SSH2: variants seen among roughly 807,000 people sequenced by gnomAD.
SSH2 encodes the protein protein phosphatase Slingshot homolog 2.
A neutral mutation model predicts 135.2 loss-of-function variants in SSH2; 37 were observed. That is an observed-to-expected ratio of 0.27 (90% CI 0.21 to 0.36). The LOEUF (loss-of-function observed/expected upper bound fraction) is 0.36. Ranked by LOEUF, SSH2 falls within the 10% of genes least tolerant of loss-of-function variation. The probability of loss-of-function intolerance (pLI) is 1.00; values close to 1 mark genes in which losing one functional copy is unlikely to be tolerated. For synonymous variants in SSH2, 628 were observed against 646.2 expected (o/e 0.97, Z 0.43); for missense variants, 1,408 against 1,765.3 (o/e 0.80, Z 3.63).
At chr17:29,785,862 T>C (rs1200863459) in intron 3 of SSH2, among the ~76,000 whole-genome samples, 3 of 144,284 alleles carry the variant, frequency 2.1e-5, no homozygotes, top group Non-Finnish European at 4.5e-5. Context: ...TGGAGTGCAG[T>C]GGCGCGATCT....
chr17:29,777,804 A>AC (rs1043844644), intron 3 of SSH2: 3 of 152,570 alleles, frequency 2.0e-5, no homozygotes, highest in African/African-American at 4.9e-5. Context: ...AAAAAAAAAA[A>AC]AAAAAAAAAA....
At chr17:29,808,375 C>T (rs1181937134) in intron 2 of SSH2, among the ~76,000 whole-genome samples, 1 of 152,216 alleles carries the variant, frequency 6.6e-6, no homozygotes, top group Non-Finnish European at 1.5e-5. Flanking sequence ...GTGATCCGCC[C>T]GCCTCGGCCT....
At chr17:29,805,703 G>A (rs1475392563) in intron 2 of SSH2, among the ~76,000 whole-genome samples, 1 of 152,002 alleles carries the variant, frequency 6.6e-6, no homozygotes, top group African/African-American at 2.4e-5. Context: ...CATTAAAAAA[G>A]CTCTGTAGAT....
intron 3 of SSH2, among the ~76,000 whole-genome samples, chr17:29,792,968 C>T (rs1482387815): frequency 3.3e-5 from 5 of 152,136 alleles, no homozygotes; most frequent in Admixed American, 1.3e-4. Flanking sequence ...GCCACCGCGC[C>T]CGGCCTGATA....
At chr17:29,728,547 A>G (rs1297810902) in intron 3 of SSH2, among the ~76,000 whole-genome samples, 1 of 152,236 alleles carries the variant, frequency 6.6e-6, no homozygotes, top group Non-Finnish European at 1.5e-5. Context: ...AGAAAAAATA[A>G]TCCTAAAATT....
intron 1 of SSH2, among the ~76,000 whole-genome samples, chr17:29,851,103 G>A: frequency 6.6e-6 from 1 of 152,134 alleles, no homozygotes; most frequent in East Asian, 1.9e-4. Flanking sequence ...TCTCCATCTA[G>A]CTTAAAAAAT....
intron 2 of SSH2, among the ~76,000 whole-genome samples, chr17:29,822,767 T>C (rs950573385): frequency 6.6e-6 from 1 of 152,190 alleles, no homozygotes; most frequent in Non-Finnish European, 1.5e-5. Context: ...TTCCTGGCTC[T>C]AGTTCTACGC....
chr17:29,850,208 G>A (rs1267222698), intron 1 of SSH2, among the ~76,000 whole-genome samples: 1 of 152,088 alleles, frequency 6.6e-6, no homozygotes, highest in African/African-American at 2.4e-5. Flanking sequence ...TAACATAGGA[G>A]TATTTTTCCC....
intron 11 of SSH2, among the ~76,000 whole-genome samples, chr17:29,665,651 G>A (rs2037238033): frequency 6.6e-6 from 1 of 152,142 alleles, no homozygotes. Flanking sequence ...GAAAGTGTGT[G>A]GGAAGTGGAC....
chr17:29,726,738 TG>T (rs952726619), intron 3 of SSH2, among the ~76,000 whole-genome samples: 1 of 152,262 alleles, frequency 6.6e-6, no homozygotes, highest in African/African-American at 2.4e-5. Flanking sequence ...TTGAAGTTCT[TG>T]ATTCTTCTGA....
chr17:29,636,731 C>T lies in SSH2; in HGVS notation c.1499G>A (p.Cys500Tyr), dbSNP rs1213603084. The T allele has an allele frequency of 1.9e-6, 3 of 1,613,978 alleles. No individual in the cohort carries two copies. The Admixed American group carries it at 5.0e-5, about 27-fold the overall frequency. ...SDLSDHHEPI[C>Y]KPGLELNKKD... ...CTTGTTGAGTTCTAGCCCAGGTTTG[C>T]AGATGGGTTCGTGGTGGTCTGAGAG... The change falls in exon 15 of 16, where the codon TGC becomes TAC. Residue 500 changes from cysteine to tyrosine, a missense_variant. Physicochemically the swap from Cys to Tyr is radical, Grantham distance 194. This residue lies in a region of SSH2 where 1,080 missense variants were observed against 1,144.5 expected (regional missense o/e 0.94). Transcript: ENST00000540801.
intron 1 of SSH2, chr17:29,863,697 TTC>T (rs1299356261): frequency 1.8e-4 from 28 of 151,834 alleles, no homozygotes; most frequent in Admixed American, 1.8e-3. Flanking sequence ...GCTCCTGGCC[TTC>T]TCATCTTAAA....
At chr17:29,717,813 T>C (rs966714208) in intron 3 of SSH2, among the ~76,000 whole-genome samples, 1 of 152,060 alleles carries the variant, frequency 6.6e-6, no homozygotes, top group African/African-American at 2.4e-5. Flanking sequence ...GGTGGAAGGA[T>C]CACTTGAGCC....
intron 1 of SSH2, among the ~76,000 whole-genome samples, chr17:29,927,440 G>A (rs1045211605): frequency 6.6e-6 from 1 of 152,012 alleles, no homozygotes; most frequent in Non-Finnish European, 1.5e-5. Context: ...CTAAAGAGCT[G>A]GCAGTATTAA....
At chr17:29,735,700 A>C (rs2040341605) in intron 3 of SSH2, among the ~76,000 whole-genome samples, 1 of 150,484 alleles carries the variant, frequency 6.6e-6, no homozygotes, top group Non-Finnish European at 1.5e-5. Flanking sequence ...CTGTCTCAAA[A>C]AAAAAAAAAA....
chr17:29,631,479 G>A lies in SSH2; in HGVS notation c.3715C>T (p.Leu1239Phe), dbSNP rs756083277. Residue 1239 changes from leucine to phenylalanine, a missense_variant, in exon 16 of 16, where the codon CTC (leucine) becomes TTC (phenylalanine). Physicochemically the swap from Leu to Phe is conservative, Grantham distance 22. Transcript: ENST00000540801. ...KMDPLPVACR[L>F]PHSSSSENIK... Reference sequence around the variant, plus strand: ...TTTTCACTACTAGAGCTATGTGGGAGTCGACAGGCTACAGGCAATGGGTCC... The same window carrying A: ...TTTTCACTACTAGAGCTATGTGGGAATCGACAGGCTACAGGCAATGGGTCC... 2 of 1,614,068 alleles carry A rather than the reference G, an allele frequency of 1.2e-6. No individual in the cohort carries two copies.
At chr17:29,664,977 C>T (rs984440748) in intron 11 of SSH2, among the ~76,000 whole-genome samples, 26 of 152,012 alleles carry the variant, frequency 1.7e-4, no homozygotes, top group African/African-American at 6.3e-4. Flanking sequence ...TATTCTTTTA[C>T]GTGTTAAAAG....
intron 11 of SSH2, among the ~76,000 whole-genome samples, chr17:29,662,455 G>C (rs1238559055): frequency 6.6e-6 from 1 of 152,092 alleles, no homozygotes; most frequent in Admixed American, 6.6e-5. Context: ...GTGGCAACCA[G>C]GCATAAGCTG....
At chr17:29,929,739 G>A (rs1279229058) in intron 1 of SSH2, 199 bp downstream of exon 1, 1 of 608,054 alleles carries the variant, frequency 1.6e-6, no homozygotes, top group Admixed American at 2.9e-5. Flanking sequence ...GGTGCTCAGG[G>A]TGATGGGGGC....
Sources: gnomAD v4.1 joint callset for allele counts (sites outside exome capture counted in the v4.1 genomes callset) on GRCh38, gnomAD v4.1.1 for gene constraint, gnomAD v4.1.1 regional missense constraint, MANE v1.5 for transcripts, NCBI Gene and HGNC (gene_info 2026-07-23, HGNC 2026-07-21) for gene names.